Variants in HEATR4 observed in about 807,000 individuals in gnomAD.
HEATR4 encodes HEAT repeat containing 4, also known as HEAT repeat-containing protein 4.
A neutral mutation model predicts 108.8 loss-of-function variants in HEATR4; 95 were observed. The ratio of observed to expected loss-of-function variants is 0.87; its 90% CI spans 0.74 to 1.04. The LOEUF (loss-of-function observed/expected upper bound fraction) is 1.04. HEATR4 is among the 50% of genes least tolerant of loss of function. The pLI is 0.00. For missense variants in HEATR4, 1,152 were observed against 1,253.8 expected (o/e 0.92, Z 1.23); for synonymous variants, 443 against 459.4 (o/e 0.96, Z 0.46).
the HEATR4 span, chr14:73,610,945 A>C: frequency 1.3e-5 from 2 of 152,204 alleles, no homozygotes; most frequent in South Asian, 4.1e-4. Context: ...AGTGGGGCAC[A>C]CACACATGAG....
chr14:73,478,818 G>A lies in HEATR4; in HGVS notation c.2869C>T (p.Pro957Ser), dbSNP rs755301511. 1 of 1,609,392 alleles carries A rather than the reference G, an allele frequency of 6.2e-7. No homozygotes were observed. The highest frequency in any genetic ancestry group is 1.1e-5 in the South Asian group (1 of 90,960). ...CCTGGGACTGAACTTTGTAACCAGG[G>A]ATTTGGTGCGCGGGGCTTCACAGGC... is the stretch of plus-strand genomic sequence containing the variant. ...IKPVKPRAPN[P>S]WLQSSVPGLT... is the part of the protein sequence containing the mutation. Residue 957 changes from proline to serine, a missense_variant, in exon 18 of 18, where the codon CCC (proline) becomes TCC (serine). Physicochemically the swap from Pro to Ser is moderately conservative, Grantham distance 74 (BLOSUM62 -1). Transcript: ENST00000553558.
At chr14:73,612,700 C>G in the HEATR4 span, 2 of 1,399,062 alleles carry the variant, frequency 1.4e-6, no homozygotes, top group South Asian at 3.1e-5. Flanking sequence ...ACGAAGAGGG[C>G]GCGCTCTTCC....
intron 1 of HEATR4, among the ~76,000 whole-genome samples, chr14:73,531,936 G>A (rs1888720625): frequency 8.7e-6 from 1 of 114,712 alleles, no homozygotes; most frequent in African/African-American, 2.8e-5. Flanking sequence ...GGAGGCTGAG[G>A]CAGGAGAATC....
the HEATR4 span, among the ~76,000 whole-genome samples, chr14:73,571,845 T>G: frequency 1.1e-3 from 168 of 152,232 alleles, 1 homozygote; most frequent in East Asian, 0.019. Flanking sequence ...GGAAAACCTC[T>G]TCCTGTCAAA....
rs912605715 is a variant in HEATR4 at position 73,509,413 on chromosome 14, T to C, written c.1619A>G (p.Asp540Gly). The C allele has an allele frequency of 3.1e-6, 5 of 1,614,076 alleles. No homozygotes were observed. The highest frequency in any genetic ancestry group is 3.4e-6 in the Non-Finnish European group (4 of 1,180,016). The change falls in exon 8 of 18, where the codon GAC becomes GGC. Residue 540 changes from aspartate to glycine, a missense_variant. Transcript: ENST00000553558. ...TGCCATCCGCACATGGGCATTCTTG[T>C]CACAAAGAGCAGCCTCTAGGGCAGG... is the stretch of plus-strand genomic sequence containing the variant. Reference protein sequence around the residue: ...LLPALEAALCDKNAHVRMAAA... With the variant: ...LLPALEAALCGKNAHVRMAAA...
the HEATR4 span, among the ~76,000 whole-genome samples, chr14:73,600,457 C>CT: frequency 1.2e-4 from 18 of 151,136 alleles, no homozygotes; most frequent in Admixed American, 6.6e-4. Flanking sequence ...GAACAATTTT[C>CT]TTTTTTTTTC....
chr14:73,621,057 C>T, the HEATR4 span, among the ~76,000 whole-genome samples: 1 of 151,766 alleles, frequency 6.6e-6, no homozygotes, highest in East Asian at 2.0e-4. Context: ...ACTAAAAATA[C>T]AAAAAATTAG....
At chr14:73,570,990 TAAATAAGAATTCCGACTGG>T in the HEATR4 span, among the ~76,000 whole-genome samples, 2 of 147,342 alleles carry the variant, frequency 1.4e-5, no homozygotes, top group Non-Finnish European at 3.0e-5. Flanking sequence ...TTTTTTTTTT[TAAATAAGAATTCCGACTGG>T]TTTTCTCACT....
chr14:73,491,714 C>T, intron 17 of HEATR4: 1 of 1,550,582 alleles, frequency 6.4e-7, no homozygotes, highest in Non-Finnish European at 8.7e-7. Flanking sequence ...GGTGCGGCGG[C>T]AGGACCACAC....
upstream of HEATR4, among the ~76,000 whole-genome samples, chr14:73,563,267 G>T (rs1204054268): frequency 6.6e-6 from 1 of 152,028 alleles, no homozygotes; most frequent in African/African-American, 2.4e-5. Flanking sequence ...TCCCCCAATA[G>T]TTTAATGGGT....
intron 2 of HEATR4, among the ~76,000 whole-genome samples, chr14:73,528,137 G>C (rs1194470529): frequency 1.3e-5 from 2 of 152,030 alleles, no homozygotes; most frequent in African/African-American, 4.8e-5. Context: ...GCTCATGCCT[G>C]TAATCCCAAC....
In HEATR4 at chr14:73,499,072, T is replaced by C. The variant is rs1314542971; in HGVS notation, c.2355A>G (p.Arg785=). ...TTTGGGGCACTACTTCTATAATACC[T>C]CGAATGGCAAAGGCCTTGATTTTCC... The part of the protein sequence containing the change: ...PYWKIKAFAI[R]ALGQIGQVSP... The change falls in exon 13 of 18, where the codon CGA becomes CGG. Residue 785 remains arginine, a splice_region_variant and synonymous_variant. Coordinates refer to ENST00000553558, the MANE Select transcript of HEATR4 (RefSeq NM_001220484.1). 1 of 1,613,868 alleles carries C rather than the reference T, an allele frequency of 6.2e-7. No individual in the cohort carries two copies.
the HEATR4 span, among the ~76,000 whole-genome samples, chr14:73,620,373 T>C: frequency 6.6e-6 from 1 of 152,202 alleles, no homozygotes; most frequent in Non-Finnish European, 1.5e-5. Flanking sequence ...GTAGGACCGG[T>C]CTTCACCTTA....
chr14:73,578,991 A>C, the HEATR4 span, among the ~76,000 whole-genome samples: 2 of 150,976 alleles, frequency 1.3e-5, no homozygotes, highest in African/African-American at 4.9e-5. Flanking sequence ...AGGCTGAGGC[A>C]GGAGAATGGC....
chr14:73,626,434 T>C, the HEATR4 span, among the ~76,000 whole-genome samples: 7 of 152,216 alleles, frequency 4.6e-5, no homozygotes, highest in African/African-American at 1.7e-4. Flanking sequence ...TCTTCAATTC[T>C]ATGAAGGCTG....
the HEATR4 span, among the ~76,000 whole-genome samples, chr14:73,587,303 A>G: frequency 1.3e-5 from 2 of 151,742 alleles, no homozygotes; most frequent in Admixed American, 1.3e-4. Flanking sequence ...CAAAAATAGG[A>G]TATATTTTGA....
upstream of HEATR4, among the ~76,000 whole-genome samples, chr14:73,559,491 G>T (rs939915129): frequency 3.3e-5 from 5 of 151,870 alleles, no homozygotes; most frequent in African/African-American, 1.2e-4. Flanking sequence ...AGCGCTTTGG[G>T]AGGCTGAGGT....
Position 73,530,642 on chromosome 14 carries a change from G to C in HEATR4, c.-151-398C>G, listed in dbSNP as rs191221921. 2.5e-5 allele frequency: 3 copies of C among 120,572 alleles called. 1 individual carries two copies. In the Admixed American group the frequency reaches 2.7e-4, roughly 11 times the overall value. The allele number at this position is 120,572 out of a possible 1,614,324, so 7.5% of individuals were successfully genotyped here. On this transcript the variant is annotated intron_variant, in intron 1 of 17. Coordinates refer to ENST00000553558, the MANE Select transcript of HEATR4 (RefSeq NM_001220484.1). ...ATGACCTGGTCTAATGCCTTGATTTGTTTTTTGTTTGTTTGTTTTTTTGAG... is the reference window on the plus strand; with the variant it reads ...ATGACCTGGTCTAATGCCTTGATTTCTTTTTTGTTTGTTTGTTTTTTTGAG...
At chr14:73,515,313 C>T (rs1014851959) in intron 5 of HEATR4, among the ~76,000 whole-genome samples, 2 of 152,092 alleles carry the variant, frequency 1.3e-5, no homozygotes, top group African/African-American at 4.8e-5. Context: ...CTCTTAACAC[C>T]TTTAGATTTG....
Sources: allele counts gnomAD v4.1 joint callset (sites outside exome capture counted in the v4.1 genomes callset), GRCh38; gene constraint gnomAD v4.1.1; transcripts MANE v1.5; gene names NCBI Gene and HGNC (gene_info 2026-07-23, HGNC 2026-07-21).